Variants in MEI1 observed in about 807,000 individuals in gnomAD.
The protein encoded by MEI1 is meiosis inhibitor protein 1.
MEI1 carries 103 observed loss-of-function variants against 146.2 expected under a neutral mutation model. That is an observed-to-expected ratio of 0.70 (90% CI 0.60 to 0.83). MEI1 has a LOEUF of 0.83. Among genes scored for constraint, MEI1 ranks in the 40% least tolerant of loss-of-function variants. MEI1 has a pLI of 0.00. For missense variants in MEI1, 1,529 were observed against 1,533.0 expected, an observed-to-expected ratio of 1.00 and a Z score of 0.04; for synonymous variants, 652 against 628.2, an observed-to-expected ratio of 1.04 and a Z score of -0.57.
Position 41,797,341 on chromosome 22 carries a change from G to A in MEI1, c.3779+1494G>A, listed in dbSNP as rs146262287. 3.0e-3 allele frequency among the ~76,000 whole-genome samples: 454 copies of A among 152,256 alleles called. 10 individuals are homozygous for A. Among genetic ancestry groups the A allele is most frequent in the Admixed American group, 0.026 (400 of 15,306 alleles). ...AAATTACCTTCAGGTGGCCAGACGC[G>A]TGGCTCACGCCTGTAATCCTAGCAC... On this transcript the variant is annotated intron_variant, in intron 30 of 30. Transcript: ENST00000401548.
rs535196764 is a variant in MEI1, at chr22:41,751,623, T to C, written c.1793-968T>C. 4.2e-4 allele frequency among the ~76,000 whole-genome samples: 63 copies of C among 151,612 alleles called. 2 individuals carry two copies. In the South Asian group the frequency reaches 0.012, roughly 29 times the overall value. On this transcript the variant is annotated intron_variant, in intron 15 of 30. Coordinates refer to ENST00000401548, the MANE Select transcript of MEI1 (RefSeq NM_152513.4). The stretch of plus-strand genomic sequence containing the variant: ...CCCTGTCTCTACTAAAAATACAAAA[T>C]TAGCTGGGCGTGGTGGCGCGTGGCT...
At chr22:41,740,284 C>G (rs1451815123) in intron 11 of MEI1, among the ~76,000 whole-genome samples, 2 of 151,856 alleles carry the variant, frequency 1.3e-5, no homozygotes, top group African/African-American at 4.8e-5. Context: ...TCCCAAAGTG[C>G]TGGGATTATA....
At position 41,758,444 on chromosome 22, in the gene MEI1, G is replaced by A. The variant is rs752945538; in HGVS notation, c.2031G>A (p.Leu677=). The change falls in exon 18 of 31, where the codon CTG becomes CTA. Residue 677 remains leucine, a synonymous_variant. Coordinates refer to ENST00000401548, the MANE Select transcript of MEI1 (RefSeq NM_152513.4). ...SSRSPESLAF[L]SDRQYMEGAA... The stretch of plus-strand genomic sequence containing the variant: ...GGAGCCCTGAAAGCCTTGCCTTCCT[G>A]TCTGATCGCCAGTACATGGAGGGAG... The A allele has an allele frequency of 1.9e-6, 3 of 1,613,830 alleles. No homozygotes were observed. Among genetic ancestry groups the A allele is most frequent in the African/African-American group, 2.7e-5 (2 of 74,934 alleles).
Position 41,782,326 on chromosome 22 carries a change from CG to C in MEI1, c.3087+485del, listed in dbSNP as rs943361184. Among the ~76,000 whole-genome samples, 6 of 152,216 alleles carry C rather than the reference CG, an allele frequency of 3.9e-5. 1 individual carries two copies. The highest frequency in any genetic ancestry group is 7.4e-5 in the Non-Finnish European group (5 of 68,016). On this transcript the variant is annotated intron_variant, in intron 24 of 30. Transcript: ENST00000401548. Reference sequence around the variant, plus strand: ...AATGAATGGAGCAGAAAAGACCAGACGGGGAGGCAGAAGCCAGCCTGCGACC... The same window carrying C: ...AATGAATGGAGCAGAAAAGACCAGACGGGAGGCAGAAGCCAGCCTGCGACC...
chr22:41,764,762 A>G (rs1478527952), intron 19 of MEI1, among the ~76,000 whole-genome samples: 2 of 152,186 alleles, frequency 1.3e-5, no homozygotes, highest in Non-Finnish European at 1.5e-5. Context: ...CCAGCAATCC[A>G]CTTTCTTTAA....
At chr22:41,769,720 C>A (rs112127075) in intron 19 of MEI1, among the ~76,000 whole-genome samples, 2,257 of 151,838 alleles carry the variant, frequency 0.015, 65 homozygotes, top group African/African-American at 0.052. Flanking sequence ...GATCCGCCCA[C>A]CTCAGCCTCC....
In MEI1 at chr22:41,770,696, G is replaced by A. The variant is rs2075129463; in HGVS notation, c.2279G>A (p.Ser760Asn). The A allele has an allele frequency of 2.5e-6, 4 of 1,613,682 alleles. No individual in the cohort carries two copies. Among genetic ancestry groups the A allele is most frequent in the Non-Finnish European group, 3.4e-6 (4 of 1,179,840 alleles). ...KDNTLRETMV[S>N]AIRKFLEGIP... ...TTGTTTTGCCTCCAGACTATGGTCA[G>A]TGCAATCAGAAAATTCCTAGAAGGC... The change falls in exon 20 of 31, where the codon AGT becomes AAT. Residue 760 changes from serine (S) to asparagine (N), a missense_variant. Physicochemically the swap from Ser to Asn is conservative, Grantham distance 46. Around this residue, in one of 3 missense-constraint regions of MEI1, gnomAD observed 1,212 missense variants for 1,178.9 expected, o/e 1.03. Transcript: ENST00000401548.
intron 1 of MEI1, among the ~76,000 whole-genome samples, chr22:41,701,301 C>G (rs2068710448): frequency 6.6e-6 from 1 of 151,366 alleles, no homozygotes; most frequent in African/African-American, 2.4e-5. Context: ...CATATAGTCT[C>G]AAAAACTCCA....
intron 17 of MEI1, among the ~76,000 whole-genome samples, chr22:41,757,346 G>A (rs915236464): frequency 6.6e-6 from 1 of 151,770 alleles, no homozygotes; most frequent in Non-Finnish European, 1.5e-5. Context: ...CGCCAGCCTC[G>A]GCCTCCCAAA....
intron 28 of MEI1, 83 bp downstream of exon 28, chr22:41,794,560 G>A: frequency 8.8e-7 from 1 of 1,133,366 alleles, no homozygotes; most frequent in South Asian, 1.3e-5. Flanking sequence ...CCTTACTTTA[G>A]GTAACCCTAA....
intron 2 of MEI1, 95 bp downstream of exon 2, chr22:41,703,549 G>T: frequency 8.4e-7 from 1 of 1,197,282 alleles, no homozygotes; most frequent in South Asian, 1.9e-5. Context: ...GATGATTTAG[G>T]TTTTTTGTAT....
chr22:41,722,225 G>A (rs559381067), intron 6 of MEI1: 1 of 151,530 alleles, frequency 6.6e-6, no homozygotes, highest in Non-Finnish European at 1.5e-5. Flanking sequence ...AAGCACCAAG[G>A]GTCTTATATT....
intron 22 of MEI1, among the ~76,000 whole-genome samples, chr22:41,780,094 G>C (rs2075676615): frequency 6.6e-6 from 1 of 152,202 alleles, no homozygotes; most frequent in African/African-American, 2.4e-5. Context: ...GTCATCACCA[G>C]CCTGTCTGTG....
chr22:41,716,004 C>A, intron 4 of MEI1, 37 bp from the exon 5 acceptor site: 1 of 1,453,388 alleles, frequency 6.9e-7, no homozygotes, highest in Non-Finnish European at 9.5e-7. Flanking sequence ...CTGTCCTGAT[C>A]CTAATTGACA....
intron 9 of MEI1, 102 bp downstream of exon 9, chr22:41,730,739 G>A (rs1049659079): frequency 2.7e-6 from 2 of 729,894 alleles, no homozygotes; most frequent in African/African-American, 3.4e-5. Context: ...CCTTGGAGGG[G>A]AGCACTGAGT....
chr22:41,710,452 A>G (rs1474901140), intron 3 of MEI1, among the ~76,000 whole-genome samples: 1 of 152,228 alleles, frequency 6.6e-6, no homozygotes, highest in Non-Finnish European at 1.5e-5. Context: ...CATGTATTCT[A>G]CTGTGGGTAA....
intron 21 of MEI1, among the ~76,000 whole-genome samples, chr22:41,778,388 G>C (rs997539648): frequency 2.0e-5 from 3 of 152,146 alleles, no homozygotes; most frequent in African/African-American, 7.2e-5. Flanking sequence ...GTGGGACCTT[G>C]GAGAAGTCAC....
chr22:41,760,703 A>G (rs180718575), intron 18 of MEI1, among the ~76,000 whole-genome samples: 51 of 152,326 alleles, frequency 3.3e-4, no homozygotes, highest in Non-Finnish European at 6.3e-4. Flanking sequence ...CACAGCACTA[A>G]AGATTTCACA....
At chr22:41,720,511 T>C (rs535535732) in intron 6 of MEI1, among the ~76,000 whole-genome samples, 1 of 151,442 alleles carries the variant, frequency 6.6e-6, no homozygotes, top group African/African-American at 2.4e-5. Flanking sequence ...GCTCACTGCA[T>C]CCTTGACCTC....
Sources: allele counts gnomAD v4.1 joint callset (sites outside exome capture counted in the v4.1 genomes callset), GRCh38; gene constraint gnomAD v4.1.1; regional missense constraint gnomAD v4.1.1; transcripts MANE v1.5; gene names NCBI Gene and HGNC (gene_info 2026-07-23, HGNC 2026-07-21).